SUSD1: variants seen among roughly 807,000 people sequenced by gnomAD.
The protein encoded by SUSD1 is sushi domain containing 1, also known as sushi domain-containing protein 1.
Under a neutral mutation model 86.9 loss-of-function variants are expected in SUSD1, and 65 were observed. The observed-to-expected ratio is 0.75, with a 90% CI of 0.61 to 0.92. SUSD1 has a LOEUF of 0.92. Among genes scored for constraint, SUSD1 ranks in the 40% least tolerant of loss-of-function variants. The pLI, the probability that SUSD1 is intolerant of heterozygous loss-of-function variation, is 0.00. For synonymous variants in SUSD1, 346 were observed against 350.0 expected (o/e 0.99, Z 0.13); for missense variants, 850 against 929.7 (o/e 0.91, Z 1.11).
At chr9:112,115,808 C>CAAAAAAAAAAAAAAAAAAAAAAAAAAAA (rs1406590665) in intron 6 of SUSD1, among the ~76,000 whole-genome samples, 1 of 59,578 alleles carries the variant, frequency 1.7e-5, no homozygotes, top group Non-Finnish European at 3.3e-5. Flanking sequence ...GACTCCATTG[C>CAAAAAAAAAAAAAAAAAAAAAAAAAAAA]AAAAAAAAAA....
chr9:112,056,621 C>T (rs1046919472), intron 14 of SUSD1, among the ~76,000 whole-genome samples: 1 of 152,078 alleles, frequency 6.6e-6, no homozygotes, highest in Non-Finnish European at 1.5e-5. Context: ...CTTTAACATC[C>T]TAAAGAATAA....
chr9:112,159,268 A>G (rs1444799362), intron 1 of SUSD1, among the ~76,000 whole-genome samples: 4 of 152,180 alleles, frequency 2.6e-5, no homozygotes, highest in Non-Finnish European at 4.4e-5. Flanking sequence ...TCTTTCTAGC[A>G]TTGAATTTCA....
intron 6 of SUSD1, among the ~76,000 whole-genome samples, chr9:112,115,206 C>T (rs1831262058): frequency 6.6e-6 from 1 of 152,172 alleles, no homozygotes; most frequent in Non-Finnish European, 1.5e-5. Context: ...TTCTCCTGTA[C>T]TCAGAACCAA....
intron 2 of SUSD1, among the ~76,000 whole-genome samples, chr9:112,153,808 T>C (rs1190890036): frequency 2.0e-5 from 3 of 151,870 alleles, no homozygotes; most frequent in Non-Finnish European, 4.4e-5. Flanking sequence ...GAGATGGGGT[T>C]TCACCATGTT....
chr9:112,104,107 C>T (rs1352199266), intron 8 of SUSD1, among the ~76,000 whole-genome samples: 1 of 152,046 alleles, frequency 6.6e-6, no homozygotes, highest in Non-Finnish European at 1.5e-5. Context: ...CCTCCACCTC[C>T]CGGGCTCAAG....
chr9:112,098,908 T>C (rs1003196067), intron 9 of SUSD1, among the ~76,000 whole-genome samples: 25 of 152,216 alleles, frequency 1.6e-4, no homozygotes, highest in African/African-American at 5.8e-4. Flanking sequence ...GAAGAAAATA[T>C]TAGTCTATTC....
Position 112,149,334 on chromosome 9 carries a change from G to C in SUSD1, c.283C>G (p.Pro95Ala), listed in dbSNP as rs147721109. 6.2e-7 allele frequency: 1 copy of C among 1,614,138 alleles called. No homozygotes were observed. The highest frequency in any genetic ancestry group is 8.5e-7 in the Non-Finnish European group (1 of 1,180,028). ...CGNHTSCHNT[P>A]GGFYCICLEG... Reference sequence around the variant, plus strand: ...AGGCAAATGCAATAGAAGCCCCCGGGGGTGTTGTGGCAAGATGTGTGGTTC... The same window carrying C: ...AGGCAAATGCAATAGAAGCCCCCGGCGGTGTTGTGGCAAGATGTGTGGTTC... The change falls in exon 3 of 17, where the codon CCC becomes GCC. Residue 95 changes from proline (P) to alanine (A), a missense_variant. Transcript: ENST00000374270.
intron 4 of SUSD1, among the ~76,000 whole-genome samples, chr9:112,143,149 T>A (rs939312204): frequency 6.6e-6 from 1 of 151,306 alleles, no homozygotes; most frequent in African/African-American, 2.4e-5. Context: ...CACACCTGGC[T>A]ATTTTTTTTT....
At chr9:112,145,278 C>CT (rs1262953487) in intron 3 of SUSD1, among the ~76,000 whole-genome samples, 21,017 of 107,186 alleles carry the variant, frequency 0.2, 2,043 homozygotes, top group Non-Finnish European at 0.25. Flanking sequence ...CCATAATTTC[C>CT]TTTTTTTTTT....
intron 12 of SUSD1, among the ~76,000 whole-genome samples, chr9:112,072,140 C>CT: frequency 0.026 from 3,110 of 121,102 alleles, 84 homozygotes; most frequent in African/African-American, 0.072. Context: ...CTTTCTTTCT[C>CT]TTTTTTTTTT....
intron 1 of SUSD1, chr9:112,173,836 C>A: frequency 1.0e-5 from 3 of 300,978 alleles, no homozygotes; most frequent in Non-Finnish European, 2.0e-5. Flanking sequence ...TGCTTCTTGG[C>A]AAACCGCATG....
intron 10 of SUSD1, among the ~76,000 whole-genome samples, chr9:112,090,534 C>G (rs1589640054): frequency 1.3e-5 from 2 of 151,250 alleles, no homozygotes; most frequent in Non-Finnish European, 3.0e-5. Flanking sequence ...AATACCAATG[C>G]TTAAACCTGA....
intron 12 of SUSD1, among the ~76,000 whole-genome samples, chr9:112,064,802 G>A (rs1416922989): frequency 1.3e-5 from 2 of 151,200 alleles, no homozygotes; most frequent in African/African-American, 4.9e-5. Flanking sequence ...CTTGAACCGG[G>A]CAGGCAGAGG....
intron 10 of SUSD1, among the ~76,000 whole-genome samples, chr9:112,083,496 G>A (rs1190521259): frequency 6.6e-6 from 1 of 152,134 alleles, no homozygotes; most frequent in Non-Finnish European, 1.5e-5. Flanking sequence ...CCAAAGTGCT[G>A]GAATTACAGG....
Position 112,052,423 on chromosome 9 carries a change from A to G in SUSD1, c.2125T>C (p.Cys709Arg), listed in dbSNP as rs772463485. ...CCTTTCACCTGAGCCCAAACTGCAC[A>G]GGAGTGTCTTCTCACCTATAAAGGA... ...SEWNKVRRHS[C>R]AVWAQVKDSS... The change falls in exon 15 of 17, where the codon TGT becomes CGT. Residue 709 changes from cysteine to arginine, a missense_variant. Cys to Arg is a radical substitution (Grantham distance 180, BLOSUM62 -3). Transcript: ENST00000374270. 6.2e-7 allele frequency: 1 copy of G among 1,614,146 alleles called. No homozygotes were observed.
chr9:112,150,765 T>C (rs1833010845), intron 2 of SUSD1, among the ~76,000 whole-genome samples: 1 of 152,182 alleles, frequency 6.6e-6, no homozygotes, highest in African/African-American at 2.4e-5. Flanking sequence ...TATCTAAATA[T>C]ATCTAAACAT....
intron 5 of SUSD1, 101 bp from the exon 6 acceptor site, chr9:112,124,537 A>G: frequency 8.5e-7 from 1 of 1,175,812 alleles, no homozygotes; most frequent in Non-Finnish European, 1.1e-6. Context: ...AGGCCACTCA[A>G]ACAGGAAAAG....
At chr9:112,130,534 G>A (rs1326495384) in intron 5 of SUSD1, among the ~76,000 whole-genome samples, 1 of 142,698 alleles carries the variant, frequency 7.0e-6, no homozygotes, top group African/African-American at 2.6e-5. Context: ...AGAAAAGAAA[G>A]GAAGGAAAGG....
At chr9:112,130,492 G>A (rs1831974316) in intron 5 of SUSD1, among the ~76,000 whole-genome samples, 1 of 146,746 alleles carries the variant, frequency 6.8e-6, no homozygotes. Flanking sequence ...AGGAGAGGGA[G>A]AGGAGAAGGA....
Sources: gnomAD v4.1 joint callset for allele counts (sites outside exome capture counted in the v4.1 genomes callset) on GRCh38, gnomAD v4.1.1 for gene constraint, MANE v1.5 for transcripts, NCBI Gene and HGNC (gene_info 2026-07-23, HGNC 2026-07-21) for gene names.